The following SLIT3 variants were observed in gnomAD, a reference collection of about 807,000 sequenced individuals.
SLIT3 encodes the protein slit guidance ligand 3, also known as slit homolog 3 protein.
Under a neutral mutation model 184.0 loss-of-function variants are expected in SLIT3, and 68 were observed. That is an observed-to-expected ratio of 0.37 (90% CI 0.30 to 0.45). The LOEUF (loss-of-function observed/expected upper bound fraction) is 0.45. Among genes scored for constraint, SLIT3 ranks in the 20% least tolerant of loss-of-function variants. The pLI is 1.00. For synonymous variants in SLIT3, 831 were observed against 828.6 expected, an observed-to-expected ratio of 1.00 and a Z score of -0.05; for missense variants, 1,707 against 2,026.0, an observed-to-expected ratio of 0.84 and a Z score of 3.02.
chr5:168,683,164 G>A (rs1027594697), intron 32 of SLIT3, among the ~76,000 whole-genome samples: 1 of 151,860 alleles, frequency 6.6e-6, no homozygotes, highest in Admixed American at 6.6e-5. Context: ...TCAGGAGTTC[G>A]AGAGCAGCCT....
intron 1 of SLIT3, among the ~76,000 whole-genome samples, chr5:169,261,766 C>T (rs777110458): frequency 6.6e-6 from 1 of 152,282 alleles, no homozygotes; most frequent in East Asian, 1.9e-4. Context: ...GTGGGCAGAA[C>T]CTAGAGACCT....
At position 168,737,667 on chromosome 5, in the gene SLIT3, A is replaced by G. The variant is rs543009569; in HGVS notation, c.2270+10635T>C. Among the ~76,000 whole-genome samples, 21 of 152,304 alleles carry G rather than the reference A, an allele frequency of 1.4e-4. 1 individual carries two copies. Among genetic ancestry groups the G allele is most frequent in the Admixed American group, 1.0e-3 (16 of 15,304 alleles). On this transcript the variant is annotated intron_variant, in intron 20 of 35. Transcript: ENST00000519560. ...GACCAAAAATATATGTCTAAACATC[A>G]TGGATATTAACCAGGGGTAGATATG...
chr5:169,220,535 T>C (rs1340068298), intron 3 of SLIT3, among the ~76,000 whole-genome samples: 3 of 152,124 alleles, frequency 2.0e-5, no homozygotes, highest in Non-Finnish European at 4.4e-5. Flanking sequence ...ATCACACACA[T>C]ATATATTCTC....
At chr5:168,858,612 A>G (rs1051386998) in intron 5 of SLIT3, among the ~76,000 whole-genome samples, 1 of 152,262 alleles carries the variant, frequency 6.6e-6, no homozygotes, top group African/African-American at 2.4e-5. Context: ...TTGGGCTCCC[A>G]GCAGCTTTCT....
At chr5:168,733,800 T>TTA (rs554685474) in intron 20 of SLIT3, among the ~76,000 whole-genome samples, 2 of 145,322 alleles carry the variant, frequency 1.4e-5, no homozygotes, top group African/African-American at 5.1e-5. Flanking sequence ...AAAAAAAAAT[T>TTA]AAAAAAAAAA....
At chr5:168,780,821 TA>T (rs1030318770) in intron 12 of SLIT3, among the ~76,000 whole-genome samples, 2 of 152,222 alleles carry the variant, frequency 1.3e-5, no homozygotes, top group African/African-American at 4.8e-5. Context: ...CCTTTCCCTA[TA>T]AAATATGGGG....
chr5:168,755,589 C>A (rs1754918252), intron 16 of SLIT3, among the ~76,000 whole-genome samples: 1 of 151,836 alleles, frequency 6.6e-6, no homozygotes, highest in Non-Finnish European at 1.5e-5. Context: ...TGCCTGCCAC[C>A]ATGCCCTGCT....
At chr5:168,868,026 A>C (rs1433016812) in intron 5 of SLIT3, among the ~76,000 whole-genome samples, 3 of 152,222 alleles carry the variant, frequency 2.0e-5, no homozygotes, top group Admixed American at 6.5e-5. Flanking sequence ...AGGTGCCAAC[A>C]TCTCAAAATC....
At chr5:169,123,432 CA>C (rs925568047) in intron 4 of SLIT3, among the ~76,000 whole-genome samples, 1,635 of 144,668 alleles carry the variant, frequency 0.011, 34 homozygotes, top group African/African-American at 0.038. Flanking sequence ...ATCAATTTTC[CA>C]AAAAAAAAAA....
chr5:168,873,805 GA>G (rs112255089), intron 5 of SLIT3, among the ~76,000 whole-genome samples: 2 of 146,264 alleles, frequency 1.4e-5, no homozygotes, highest in African/African-American at 2.5e-5. Context: ...AGGCAAAGCT[GA>G]AAAAAAAAAC....
chr5:168,830,322 T>A (rs1465473766), intron 6 of SLIT3, among the ~76,000 whole-genome samples: 2 of 152,112 alleles, frequency 1.3e-5, no homozygotes, highest in African/African-American at 4.8e-5. Flanking sequence ...CTTTACTGTT[T>A]CCCTCATCTC....
At chr5:168,936,379 C>T (rs191728859) in intron 4 of SLIT3, among the ~76,000 whole-genome samples, 17 of 152,266 alleles carry the variant, frequency 1.1e-4, no homozygotes, top group Admixed American at 3.3e-4. Flanking sequence ...GGATTACATG[C>T]GCACACCACC....
chr5:168,687,174 C>A lies in SLIT3; in HGVS notation c.3177-58G>T, dbSNP rs561571980. On this transcript the variant is annotated intron_variant, in intron 29 of 35. Coordinates refer to ENST00000519560, the MANE Select transcript of SLIT3 (RefSeq NM_003062.4). ...AAGGCAAAGCCAGCTTGCAGGCAGTCACTCTCCAGCCCCCCTCAGCAGGTG... is the reference window on the plus strand; with the variant it reads ...AAGGCAAAGCCAGCTTGCAGGCAGTAACTCTCCAGCCCCCCTCAGCAGGTG... The A allele has an allele frequency of 8.8e-6, 14 of 1,594,220 alleles. No individual in the cohort carries two copies. In the African/African-American group the frequency reaches 1.7e-4, roughly 20 times the overall value.
chr5:169,029,731 C>T, intron 4 of SLIT3, among the ~76,000 whole-genome samples: 1 of 152,136 alleles, frequency 6.6e-6, no homozygotes, highest in East Asian at 1.9e-4. Flanking sequence ...GTTACAATGA[C>T]ACATTCATTT....
chr5:169,282,236 G>A (rs935186942), intron 1 of SLIT3, among the ~76,000 whole-genome samples: 13 of 152,236 alleles, frequency 8.5e-5, no homozygotes, highest in East Asian at 1.9e-4. Context: ...GCCTCTTCTC[G>A]TCATTGTCTT....
At chr5:168,745,415 A>G (rs545601834) in intron 20 of SLIT3, among the ~76,000 whole-genome samples, 98 of 146,110 alleles carry the variant, frequency 6.7e-4, no homozygotes, top group African/African-American at 2.3e-3. Context: ...ACTGACTCCA[A>G]TTTTTTTTTT....
At chr5:168,978,312 C>T (rs1253729601) in intron 4 of SLIT3, among the ~76,000 whole-genome samples, 1 of 152,236 alleles carries the variant, frequency 6.6e-6, no homozygotes, top group Non-Finnish European at 1.5e-5. Flanking sequence ...CCTATGACTG[C>T]TCCCATTTTG....
At chr5:168,820,794 C>T (rs372429266) in intron 7 of SLIT3, among the ~76,000 whole-genome samples, 9 of 152,176 alleles carry the variant, frequency 5.9e-5, no homozygotes, top group East Asian at 3.8e-4. Flanking sequence ...TAGCCACAGA[C>T]GCTAAATTAA....
In SLIT3 at chr5:169,296,033, C is replaced by T. The variant is rs937567756; in HGVS notation, c.197+4480G>A. On this transcript the variant is annotated intron_variant, in intron 1 of 35. Transcript: ENST00000519560. Reference sequence around the variant, plus strand: ...CCAGACTCCAGAGTAGATCACTCAACAGGAGTCCTTGGTAACTCTAGTAAG... The same window carrying T: ...CCAGACTCCAGAGTAGATCACTCAATAGGAGTCCTTGGTAACTCTAGTAAG... Among the ~76,000 whole-genome samples the T allele has an allele frequency of 1.2e-4, 19 of 152,332 alleles. No homozygotes were observed. The South Asian group carries it at 3.9e-3, about 32-fold the overall frequency.
Sources: gnomAD v4.1 joint callset for allele counts (sites outside exome capture counted in the v4.1 genomes callset) on GRCh38, gnomAD v4.1.1 for gene constraint, MANE v1.5 for transcripts, NCBI Gene and HGNC (gene_info 2026-07-23, HGNC 2026-07-21) for gene names.